SIPA1L1: variants seen among roughly 807,000 people sequenced by gnomAD.
The protein encoded by SIPA1L1 is signal induced proliferation associated 1 like 1, also known as signal-induced proliferation-associated 1-like protein 1.
A neutral mutation model predicts 162.7 loss-of-function variants in SIPA1L1; 26 were observed. That is an observed-to-expected ratio of 0.16 (90% CI 0.12 to 0.22). The LOEUF is 0.22. Ranked by LOEUF, SIPA1L1 falls within the 10% of genes least tolerant of loss-of-function variation. The pLI, the probability that SIPA1L1 is intolerant of heterozygous loss-of-function variation, is 1.00. For synonymous variants in SIPA1L1, 829 were observed against 837.4 expected (o/e 0.99, Z 0.17); for missense variants, 1,874 against 2,241.0 (o/e 0.84, Z 3.31).
intron 20 of SIPA1L1, among the ~76,000 whole-genome samples, chr14:71,730,938 C>T (rs563692601): frequency 1.3e-5 from 2 of 152,286 alleles, no homozygotes; most frequent in African/African-American, 4.8e-5. Flanking sequence ...TGGTTTTTCC[C>T]TTTTTCCTGT....
At chr14:71,353,561 G>A (rs1196869110) in intron 2 of SIPA1L1, among the ~76,000 whole-genome samples, 1 of 152,152 alleles carries the variant, frequency 6.6e-6, no homozygotes, top group Non-Finnish European at 1.5e-5. Context: ...GGTTTTAACA[G>A]AGTCGCTAGG....
chr14:71,701,640 ATTTAC>A (rs1187046773), intron 14 of SIPA1L1, among the ~76,000 whole-genome samples: 4 of 152,190 alleles, frequency 2.6e-5, no homozygotes, highest in Non-Finnish European at 4.4e-5. Flanking sequence ...CTCAGTCAGT[ATTTAC>A]TTTGTTGATA....
intron 4 of SIPA1L1, among the ~76,000 whole-genome samples, chr14:71,554,956 A>C (rs569879660): frequency 2.0e-5 from 3 of 152,136 alleles, no homozygotes; most frequent in South Asian, 2.1e-4. Flanking sequence ...TAAAAAAAAA[A>C]CAACAATTTC....
intron 5 of SIPA1L1, among the ~76,000 whole-genome samples, chr14:71,598,542 G>A (rs2036319469): frequency 6.6e-6 from 1 of 152,146 alleles, no homozygotes; most frequent in South Asian, 2.1e-4. Context: ...CCCAAATTGA[G>A]AGATAAATAC....
intron 2 of SIPA1L1, among the ~76,000 whole-genome samples, chr14:71,492,735 C>T (rs2049385852): frequency 6.6e-6 from 1 of 152,028 alleles, no homozygotes; most frequent in Non-Finnish European, 1.5e-5. Flanking sequence ...AGCGATCCAT[C>T]TCAGCTTCCC....
intron 7 of SIPA1L1, among the ~76,000 whole-genome samples, chr14:71,636,749 A>G (rs1379744012): frequency 6.6e-6 from 1 of 152,220 alleles, no homozygotes; most frequent in Non-Finnish European, 1.5e-5. Flanking sequence ...ATGAAATGAA[A>G]GGCTAGATCT....
At chr14:71,353,265 T>G (rs1294589620) in intron 2 of SIPA1L1, among the ~76,000 whole-genome samples, 1 of 152,214 alleles carries the variant, frequency 6.6e-6, no homozygotes, top group Non-Finnish European at 1.5e-5. Flanking sequence ...AAATTTTAGT[T>G]TATCTCAAGG....
At chr14:71,388,365 A>G (rs773096854) in intron 2 of SIPA1L1, among the ~76,000 whole-genome samples, 4 of 152,244 alleles carry the variant, frequency 2.6e-5, no homozygotes, top group Non-Finnish European at 5.9e-5. Flanking sequence ...TTGGGAGATC[A>G]TTCACAAGGA....
chr14:71,527,755 A>G (rs1304782108), intron 3 of SIPA1L1, among the ~76,000 whole-genome samples: 1 of 152,196 alleles, frequency 6.6e-6, no homozygotes, highest in East Asian at 1.9e-4. Flanking sequence ...CCTTGTCATC[A>G]TACTACCTGG....
At chr14:71,468,110 T>C (rs2047171537) in intron 2 of SIPA1L1, among the ~76,000 whole-genome samples, 1 of 151,762 alleles carries the variant, frequency 6.6e-6, no homozygotes, top group South Asian at 2.1e-4. Context: ...TTTTTAAAAA[T>C]TGGGTCTTTT....
chr14:71,652,750 T>A (rs1349657484), intron 8 of SIPA1L1, among the ~76,000 whole-genome samples: 1 of 152,070 alleles, frequency 6.6e-6, no homozygotes, highest in Non-Finnish European at 1.5e-5. Context: ...TCATTGTTAA[T>A]CCCGTCCAGT....
intron 2 of SIPA1L1, among the ~76,000 whole-genome samples, chr14:71,332,353 T>C (rs918320362): frequency 7.9e-5 from 12 of 152,184 alleles, no homozygotes; most frequent in African/African-American, 2.9e-4. Context: ...CAATGTTCTG[T>C]TCCTCTCCTC....
intron 2 of SIPA1L1, among the ~76,000 whole-genome samples, chr14:71,470,029 G>A (rs998579418): frequency 1.3e-5 from 2 of 152,174 alleles, no homozygotes; most frequent in Admixed American, 6.5e-5. Context: ...CCCTTTACCT[G>A]TGTCAAGGGA....
At chr14:71,522,776 C>G (rs2052486643) in intron 3 of SIPA1L1, among the ~76,000 whole-genome samples, 1 of 151,884 alleles carries the variant, frequency 6.6e-6, no homozygotes, top group Non-Finnish European at 1.5e-5. Flanking sequence ...TCACTGCAAC[C>G]TCTACCTCTC....
At chr14:71,491,803 CA>C (rs1439002732) in intron 2 of SIPA1L1, among the ~76,000 whole-genome samples, 2 of 151,252 alleles carry the variant, frequency 1.3e-5, no homozygotes, top group African/African-American at 4.9e-5. Context: ...CACACACACA[CA>C]CACACACACC....
intron 2 of SIPA1L1, among the ~76,000 whole-genome samples, chr14:71,440,492 A>C (rs2044750551): frequency 6.6e-6 from 1 of 151,826 alleles, no homozygotes; most frequent in Admixed American, 6.6e-5. Context: ...GTCTACAAAA[A>C]ATACAAAAAC....
At chr14:71,346,977 A>T (rs895689968) in intron 2 of SIPA1L1, among the ~76,000 whole-genome samples, 3 of 149,712 alleles carry the variant, frequency 2.0e-5, no homozygotes, top group African/African-American at 7.4e-5. Flanking sequence ...TTTTTGAGAC[A>T]GTCTTGCTCT....
rs1189582794 is a variant in SIPA1L1, at chr14:71,709,619, G to T, written c.4163G>T (p.Arg1388Met). ...CAAGCCGGCTCGACCCCTCTGACAA[G>T]GGAGAACAGCACCTTCAGTATAAAC... ...KSQAGSTPLT[R>M]ENSTFSINDA... The change falls in exon 17 of 24, where the codon AGG becomes ATG. Residue 1388 changes from arginine (R) to methionine (M), a missense_variant. By Grantham distance (91) the Arg-to-Met change is moderately conservative. This residue lies in a region of SIPA1L1 where 936 missense variants were observed against 1,051.9 expected (regional missense o/e 0.89). Coordinates refer to ENST00000381232, the MANE Select transcript of SIPA1L1 (RefSeq NM_001386936.1). The T allele has an allele frequency of 6.2e-7, 1 of 1,614,126 alleles. No homozygotes were observed. Among genetic ancestry groups the T allele is most frequent in the Non-Finnish European group, 8.5e-7 (1 of 1,180,008 alleles).
chr14:71,721,102 G>A (rs2083685508), intron 17 of SIPA1L1, among the ~76,000 whole-genome samples: 1 of 152,148 alleles, frequency 6.6e-6, no homozygotes, highest in African/African-American at 2.4e-5. Flanking sequence ...AAGGCTTTCC[G>A]TGTATTCAAA....
Sources: gnomAD v4.1 joint callset for allele counts (sites outside exome capture counted in the v4.1 genomes callset) on GRCh38, gnomAD v4.1.1 for gene constraint, gnomAD v4.1.1 regional missense constraint, MANE v1.5 for transcripts, NCBI Gene and HGNC (gene_info 2026-07-23, HGNC 2026-07-21) for gene names.